The following PPP1R1C variants were observed in gnomAD, a reference collection of about 807,000 sequenced individuals.
PPP1R1C encodes the protein protein phosphatase 1 regulatory inhibitor subunit 1C.
PPP1R1C carries 15 observed loss-of-function variants against 17.4 expected under a neutral mutation model. That is an observed-to-expected ratio of 0.86 (90% CI 0.58 to 1.33). The LOEUF is 1.33. PPP1R1C is among the 40% of genes most tolerant of loss of function. PPP1R1C has a pLI of 0.00. For missense variants in PPP1R1C, 143 were observed against 130.0 expected, an observed-to-expected ratio of 1.10 and a Z score of -0.48; for synonymous variants, 35 against 43.1, an observed-to-expected ratio of 0.81 and a Z score of 0.73.
At chr2:182,067,197 T>G (rs1688009587) in intron 4 of PPP1R1C, among the ~76,000 whole-genome samples, 1 of 152,148 alleles carries the variant, frequency 6.6e-6, no homozygotes, top group Non-Finnish European at 1.5e-5. Flanking sequence ...CCTCCCATTC[T>G]TCATGATTTC....
At chr2:181,970,037 G>T (rs1259510282) in intron 1 of PPP1R1C, among the ~76,000 whole-genome samples, 1 of 151,966 alleles carries the variant, frequency 6.6e-6, no homozygotes, top group Non-Finnish European at 1.5e-5. Context: ...CATTGAAGTT[G>T]CTCAAAACAG....
intron 2 of PPP1R1C, among the ~76,000 whole-genome samples, chr2:181,992,593 G>A (rs1016727702): frequency 7.4e-6 from 1 of 134,812 alleles, no homozygotes; most frequent in African/African-American, 2.8e-5. Context: ...TATGAGGCCT[G>A]GAGATAAGTG....
intron 2 of PPP1R1C, among the ~76,000 whole-genome samples, chr2:182,042,791 A>T (rs1482455309): frequency 6.6e-6 from 1 of 152,206 alleles, no homozygotes; most frequent in Non-Finnish European, 1.5e-5. Flanking sequence ...CATGAGACAA[A>T]CAGGAAAACA....
Position 182,127,212 on chromosome 2 carries a change from A to G in PPP1R1C, c.*7-1762A>G, listed in dbSNP as rs568363346. ...TGTAAGGTTTGTGGAGCACATTACC[A>G]TGACTTTGTTTTCAAGAGGTGAGAG... On this transcript the variant is annotated intron_variant, in intron 5 of 5. Coordinates refer to the PPP1R1C transcript ENST00000280295. Among the ~76,000 whole-genome samples the G allele has an allele frequency of 1.4e-4, 21 of 152,206 alleles. No homozygotes were observed. The South Asian group carries it at 1.7e-3, about 12-fold the overall frequency.
downstream of PPP1R1C, among the ~76,000 whole-genome samples, chr2:182,120,225 G>A (rs1376967175): frequency 6.6e-6 from 1 of 151,982 alleles, no homozygotes; most frequent in East Asian, 1.9e-4. Flanking sequence ...GTAGATATGC[G>A]GCATTATTTC....
chr2:182,032,340 G>A (rs575207131), intron 2 of PPP1R1C, among the ~76,000 whole-genome samples: 2 of 152,282 alleles, frequency 1.3e-5, no homozygotes, highest in East Asian at 3.9e-4. Context: ...GACCTACCCT[G>A]TCTACCATAT....
intron 2 of PPP1R1C, among the ~76,000 whole-genome samples, chr2:182,013,710 T>G (rs1455583044): frequency 6.6e-6 from 1 of 152,170 alleles, no homozygotes; most frequent in East Asian, 1.9e-4. Context: ...CAGGCATGCT[T>G]AATTCTTATC....
At chr2:181,959,063 C>A (rs1439148559) in intron 1 of PPP1R1C, among the ~76,000 whole-genome samples, 1 of 152,076 alleles carries the variant, frequency 6.6e-6, no homozygotes, top group South Asian at 2.1e-4. Context: ...ATATAGTTTC[C>A]CAAAGTGATT....
chr2:182,010,459 TG>T (rs1168360388), intron 2 of PPP1R1C, among the ~76,000 whole-genome samples: 1 of 152,118 alleles, frequency 6.6e-6, no homozygotes, highest in Non-Finnish European at 1.5e-5. Flanking sequence ...TACTGATGTT[TG>T]TATGTTAATA....
In PPP1R1C at chr2:181,987,263, G is replaced by GA. The variant is rs536883519; in HGVS notation, c.82-565dup. Among the ~76,000 whole-genome samples, 262 of 142,122 alleles carry GA rather than the reference G, an allele frequency of 1.8e-3. 2 individuals are homozygous for GA. Among genetic ancestry groups the GA allele is most frequent in the Middle Eastern group, 3.6e-3 (1 of 274 alleles). 93.2% of individuals were successfully genotyped at this position (142,122 alleles called of 152,430 possible). A position where few individuals can be genotyped will look rare whatever the true frequency, so the allele number is the denominator to read the frequency against. On this transcript the variant is annotated intron_variant, in intron 1 of 4. Transcript: ENST00000682840. Reference sequence around the variant, plus strand: ...ACTATGCTCCTGTAACTCTTAAAATGAAAAAAAAAAACTTTAGAGTTTGTA... The same window carrying GA: ...ACTATGCTCCTGTAACTCTTAAAATGAAAAAAAAAAAACTTTAGAGTTTGTA...
chr2:181,983,135 A>C (rs1685223766), upstream of PPP1R1C, among the ~76,000 whole-genome samples: 1 of 152,178 alleles, frequency 6.6e-6, no homozygotes, highest in Non-Finnish European at 1.5e-5. Context: ...TGATGTGGTC[A>C]GAACCTCTAA....
chr2:182,117,276 A>C lies in PPP1R1C; in HGVS notation c.311A>C (p.Glu104Ala), dbSNP rs1202475128. Residue 104 changes from glutamate (E) to alanine (A), a missense_variant, in exon 5 of 5, where the codon GAG (glutamate) becomes GCG (alanine). Transcript: ENST00000682840. ...PEEEEGTNER[E>A]EQRDH The stretch of plus-strand genomic sequence containing the variant: ...GAAGAAGAAGGCACCAATGAAAGAG[A>C]GGAGCAGCGGGACCATTAATTACTG... 1 of 1,561,030 alleles carries C rather than the reference A, an allele frequency of 6.4e-7. No homozygotes were observed. The highest frequency in any genetic ancestry group is 8.7e-7 in the Non-Finnish European group (1 of 1,152,034).
chr2:182,098,928 T>C (rs901682675), intron 4 of PPP1R1C, among the ~76,000 whole-genome samples: 6 of 152,244 alleles, frequency 3.9e-5, no homozygotes, highest in African/African-American at 1.2e-4. Flanking sequence ...TTGCCATTAC[T>C]TGAACGTTTC....
chr2:182,089,790 C>T (rs1688730047), intron 4 of PPP1R1C, among the ~76,000 whole-genome samples: 1 of 151,970 alleles, frequency 6.6e-6, no homozygotes, highest in Non-Finnish European at 1.5e-5. Context: ...TGCTTTGTTA[C>T]TAATAAGATA....
At chr2:182,078,075 G>C (rs1688367438) in intron 4 of PPP1R1C, among the ~76,000 whole-genome samples, 1 of 152,152 alleles carries the variant, frequency 6.6e-6, no homozygotes, top group Admixed American at 6.5e-5. Context: ...AGCTACTCCG[G>C]AGTCTGAGGC....
Position 181,986,006 on chromosome 2 carries a change from C to A in PPP1R1C, c.-105C>A. 1.2e-6 allele frequency: 1 copy of A among 861,770 alleles called. No homozygotes were observed. Among genetic ancestry groups the A allele is most frequent in the Non-Finnish European group, 2.0e-6 (1 of 510,934 alleles). The allele number at this position is 861,770 out of a possible 1,614,324, so 53.4% of individuals were successfully genotyped here. The stretch of plus-strand genomic sequence containing the variant: ...AATTACAGCTATTTATTACGAAGCA[C>A]TCTGTGTGGCTTAGTGGAGTGTGTC... On this transcript the variant is annotated 5_prime_UTR_variant, in exon 1 of 5. Coordinates refer to ENST00000682840, the MANE Select transcript of PPP1R1C (RefSeq NM_001080545.3).
At chr2:182,118,322 G>A (rs1256804045), downstream of PPP1R1C, among the ~76,000 whole-genome samples, 1 of 152,010 alleles carries the variant, frequency 6.6e-6, no homozygotes, top group East Asian at 1.9e-4. Context: ...ATTGAATATG[G>A]CTTTTTCATA....
intron 2 of PPP1R1C, among the ~76,000 whole-genome samples, chr2:182,048,584 C>A (rs922424518): frequency 4.6e-5 from 7 of 152,144 alleles, no homozygotes; most frequent in African/African-American, 1.7e-4. Context: ...AATATACATG[C>A]AAAATGAAAT....
At chr2:182,028,544 A>T (rs1686701002) in intron 2 of PPP1R1C, among the ~76,000 whole-genome samples, 1 of 152,062 alleles carries the variant, frequency 6.6e-6, no homozygotes, top group African/African-American at 2.4e-5. Context: ...CTTAATCCTG[A>T]GTTCTAGTTT....
Sources: gnomAD v4.1 joint callset for allele counts (sites outside exome capture counted in the v4.1 genomes callset) on GRCh38, gnomAD v4.1.1 for gene constraint, MANE v1.5 for transcripts, NCBI Gene and HGNC (gene_info 2026-07-23, HGNC 2026-07-21) for gene names.